The following NDUFV2 variants were observed in gnomAD, a reference collection of about 807,000 sequenced individuals.
NDUFV2 encodes NADH:ubiquinone oxidoreductase core subunit V2.
NDUFV2 carries 18 observed loss-of-function variants against 31.6 expected under a neutral mutation model. The observed-to-expected ratio is 0.57, with a 90% CI of 0.39 to 0.84. The LOEUF is 0.84. Ranked by LOEUF, NDUFV2 falls within the 40% of genes least tolerant of loss-of-function variation. NDUFV2 has a pLI of 0.00. For synonymous variants in NDUFV2, 83 were observed against 99.8 expected, an observed-to-expected ratio of 0.83 and a Z score of 1.01; for missense variants, 314 against 303.6, an observed-to-expected ratio of 1.03 and a Z score of -0.26.
At chr18:9,123,766 C>T (rs935755448) in intron 5 of NDUFV2, among the ~76,000 whole-genome samples, 20 of 152,042 alleles carry the variant, frequency 1.3e-4, no homozygotes, top group African/African-American at 4.6e-4. Flanking sequence ...GCTGGGATCA[C>T]AGGTGTGAGC....
intron 1 of NDUFV2, among the ~76,000 whole-genome samples, chr18:9,106,419 T>C (rs1264605771): frequency 6.6e-6 from 1 of 152,218 alleles, no homozygotes; most frequent in Non-Finnish European, 1.5e-5. Context: ...TTTATAGTTA[T>C]TATTCAGTGG....
In NDUFV2 at chr18:9,132,666, C is replaced by G. The variant is rs147223065; in HGVS notation, c.657-1520C>G. ...GAGGCGGACAGATTGTTTGAGCCCA[C>G]AAATTCAAGACCAGCCAGGGCAACA... On this transcript the variant is annotated intron_variant, in intron 7 of 7. Transcript: ENST00000318388. Among the ~76,000 whole-genome samples the G allele has an allele frequency of 6.3e-3, 958 of 152,186 alleles. 7 individuals carry two copies. The highest frequency in any genetic ancestry group is 0.017 in the Middle Eastern group (5 of 294).
rs1050690541 is a variant in NDUFV2, at chr18:9,122,740, G to A, written c.469+59G>A. The A allele has an allele frequency of 5.7e-6, 9 of 1,572,468 alleles. No individual in the cohort carries two copies. In the African/African-American group the frequency reaches 9.5e-5, roughly 17 times the overall value. On this transcript the variant is annotated intron_variant, in intron 5 of 7. Transcript: ENST00000318388. ...AAAGTAGAATTGTCTCTCTAGATTTGGTACATTTCTATCTAAAATTTCCAA... is the reference window on the plus strand; with the variant it reads ...AAAGTAGAATTGTCTCTCTAGATTTAGTACATTTCTATCTAAAATTTCCAA...
intron 4 of NDUFV2, among the ~76,000 whole-genome samples, chr18:9,120,519 T>A (rs2077927217): frequency 6.6e-6 from 1 of 152,210 alleles, no homozygotes; most frequent in African/African-American, 2.4e-5. Context: ...TACCACTTTC[T>A]AAACTTAATT....
At chr18:9,133,822 C>T (rs903086548) in intron 7 of NDUFV2, among the ~76,000 whole-genome samples, 1 of 152,118 alleles carries the variant, frequency 6.6e-6, no homozygotes, top group African/African-American at 2.4e-5. Flanking sequence ...TGCTTTGATT[C>T]TTGGGTAGAT....
At chr18:9,131,004 A>T (rs1258083645) in intron 7 of NDUFV2, among the ~76,000 whole-genome samples, 1 of 152,178 alleles carries the variant, frequency 6.6e-6, no homozygotes, top group African/African-American at 2.4e-5. Context: ...ATCTGTGTGT[A>T]ACTTTTGACT....
At chr18:9,103,106 C>G (rs1048393996) in intron 1 of NDUFV2, 2 of 411,726 alleles carry the variant, frequency 4.9e-6, no homozygotes, top group Non-Finnish European at 8.6e-6. Flanking sequence ...GAATCTAGGC[C>G]TGCTCTGGCC....
chr18:9,105,784 G>C (rs562805868), intron 1 of NDUFV2, among the ~76,000 whole-genome samples: 1 of 152,326 alleles, frequency 6.6e-6, no homozygotes, highest in African/African-American at 2.4e-5. Flanking sequence ...ACAGGCAATT[G>C]TAAGTCAGCG....
chr18:9,120,967 A>C (rs1261691088), intron 4 of NDUFV2, among the ~76,000 whole-genome samples: 2 of 152,220 alleles, frequency 1.3e-5, no homozygotes, highest in Non-Finnish European at 2.9e-5. Flanking sequence ...CATTTAAAAA[A>C]TAAGACAGGC....
At chr18:9,127,303 C>T (rs982801798) in intron 7 of NDUFV2, among the ~76,000 whole-genome samples, 3 of 152,190 alleles carry the variant, frequency 2.0e-5, no homozygotes, top group African/African-American at 7.2e-5. Flanking sequence ...AATAGCTACC[C>T]TGTCTTCCCC....
intron 1 of NDUFV2, among the ~76,000 whole-genome samples, chr18:9,112,050 G>C (rs866084847): frequency 8.2e-6 from 1 of 122,470 alleles, no homozygotes; most frequent in African/African-American, 3.3e-5. Context: ...AGAGAATCTC[G>C]CTCTGTCGCC....
chr18:9,103,185 T>C, intron 1 of NDUFV2: 1 of 400,454 alleles, frequency 2.5e-6, no homozygotes, highest in Admixed American at 4.4e-5. Flanking sequence ...CCTCGATGCT[T>C]TTAGGTTGCA....
chr18:9,133,818 G>C (rs1409903062), intron 7 of NDUFV2, among the ~76,000 whole-genome samples: 1 of 152,176 alleles, frequency 6.6e-6, no homozygotes, highest in Non-Finnish European at 1.5e-5. Flanking sequence ...TCTTTGCTTT[G>C]ATTCTTGGGT....
At chr18:9,124,837 A>G in intron 5 of NDUFV2, 37 bp from the exon 6 acceptor site, 1 of 1,579,192 alleles carries the variant, frequency 6.3e-7, no homozygotes. Flanking sequence ...CTATTAAAAT[A>G]TAACCTGGTC....
intron 6 of NDUFV2, 126 bp from the exon 7 acceptor site, chr18:9,126,705 T>A (rs1328197699): frequency 1.3e-6 from 1 of 790,472 alleles, no homozygotes; most frequent in African/African-American, 1.7e-5. Flanking sequence ...GAGGCTGAGG[T>A]AGGAGGATTG....
intron 2 of NDUFV2, among the ~76,000 whole-genome samples, chr18:9,118,686 C>T (rs1331233792): frequency 6.6e-5 from 10 of 152,042 alleles, no homozygotes; most frequent in Non-Finnish European, 1.0e-4. Flanking sequence ...CTCAGTGTGA[C>T]TCATTTGATT....
chr18:9,112,050 G>T (rs866084847), intron 1 of NDUFV2, among the ~76,000 whole-genome samples: 2 of 122,470 alleles, frequency 1.6e-5, no homozygotes, highest in African/African-American at 6.7e-5. Flanking sequence ...AGAGAATCTC[G>T]CTCTGTCGCC....
At chr18:9,114,951 C>T (rs2077890732) in intron 1 of NDUFV2, among the ~76,000 whole-genome samples, 1 of 152,132 alleles carries the variant, frequency 6.6e-6, no homozygotes, top group African/African-American at 2.4e-5. Context: ...AAGTACATGA[C>T]AGATCCTGGA....
chr18:9,102,786 A>G lies in NDUFV2; in HGVS notation c.43A>G (p.Thr15Ala), dbSNP rs776531231. 11 of 1,575,598 alleles carry G rather than the reference A, an allele frequency of 7.0e-6. No homozygotes were observed. In the South Asian group the frequency reaches 1.2e-4, roughly 17 times the overall value. Reference sequence around the variant, plus strand: ...GCTCCGGGCCCGGGCGGCTGGCCTCACCGCCCACTGGGTAAGGAGGCTCAA... The same window carrying G: ...GCTCCGGGCCCGGGCGGCTGGCCTCGCCGCCCACTGGGTAAGGAGGCTCAA... ...AALRARAAGL[T>A]AHWGRHVRNL... is the part of the protein sequence containing the mutation. Residue 15 changes from threonine to alanine, a missense_variant, in exon 1 of 8, where the codon ACC (threonine) becomes GCC (alanine). Thr to Ala is a moderately conservative substitution (Grantham distance 58). Coordinates refer to ENST00000318388, the MANE Select transcript of NDUFV2 (RefSeq NM_021074.5).
Sources: allele counts gnomAD v4.1 joint callset (sites outside exome capture counted in the v4.1 genomes callset), GRCh38; gene constraint gnomAD v4.1.1; transcripts MANE v1.5; gene names NCBI Gene and HGNC (gene_info 2026-07-23, HGNC 2026-07-21).